Variants in RGS7BP observed in about 807,000 individuals in gnomAD.
RGS7BP encodes the protein regulator of G protein signaling 7 binding protein, also known as regulator of G protein signaling 7-binding protein.
In RGS7BP, 9 loss-of-function variants were observed where a neutral mutation model predicts 31.3. The ratio of observed to expected loss-of-function variants is 0.29; its 90% CI spans 0.17 to 0.50. The LOEUF is 0.50. RGS7BP is among the 20% of genes least tolerant of loss of function. The pLI is 0.98. For synonymous variants in RGS7BP, 115 were observed against 120.1 expected, an observed-to-expected ratio of 0.96 and a Z score of 0.28; for missense variants, 274 against 322.0, an observed-to-expected ratio of 0.85 and a Z score of 1.14.
chr5:64,569,763 C>A (rs1342447568), intron 2 of RGS7BP, among the ~76,000 whole-genome samples: 2 of 152,100 alleles, frequency 1.3e-5, no homozygotes, highest in Non-Finnish European at 1.5e-5. Context: ...TGAGAGGAAC[C>A]AGTGGGCATA....
At chr5:64,523,318 A>G (rs1376951181) in intron 2 of RGS7BP, among the ~76,000 whole-genome samples, 1 of 149,426 alleles carries the variant, frequency 6.7e-6, no homozygotes, top group Non-Finnish European at 1.5e-5. Context: ...CCATGGGGAA[A>G]TATTGGCCAA....
At position 64,609,198 on chromosome 5, in the gene RGS7BP, G is replaced by C; in HGVS notation, c.720G>C (p.Leu240=). 1 of 1,611,544 alleles carries C rather than the reference G, an allele frequency of 6.2e-7. No individual in the cohort carries two copies. The highest frequency in any genetic ancestry group is 8.5e-7 in the Non-Finnish European group (1 of 1,178,070). ...TTCTGAATCTAACTCCCTACCCCCT[G>C]GTGAGAAGACGGAAGAGAAGGTTCT... ...SSLLNLTPYP[L]VRRRKRRFFG... Residue 240 remains leucine, a synonymous_variant, in exon 6 of 6, where the codon CTG becomes CTC. Transcript: ENST00000334025.
chr5:64,523,277 C>T (rs1272314480), intron 2 of RGS7BP, among the ~76,000 whole-genome samples: 2 of 152,206 alleles, frequency 1.3e-5, no homozygotes, highest in African/African-American at 2.4e-5. Context: ...AAGCAGGCAG[C>T]TGCCACCCAG....
At chr5:64,542,274 G>C (rs1019440330) in intron 2 of RGS7BP, among the ~76,000 whole-genome samples, 3 of 152,218 alleles carry the variant, frequency 2.0e-5, no homozygotes, top group Non-Finnish European at 4.4e-5. Context: ...ACCAGATGCA[G>C]CTCCCCAGAA....
At chr5:64,545,773 T>G (rs1741644329) in intron 2 of RGS7BP, among the ~76,000 whole-genome samples, 1 of 152,194 alleles carries the variant, frequency 6.6e-6, no homozygotes, top group Non-Finnish European at 1.5e-5. Flanking sequence ...ATGCGATTCA[T>G]TGAGCTAGGG....
intron 2 of RGS7BP, among the ~76,000 whole-genome samples, chr5:64,523,585 T>A (rs1336906168): frequency 6.6e-6 from 1 of 152,240 alleles, no homozygotes; most frequent in Non-Finnish European, 1.5e-5. Flanking sequence ...AACTGTGACC[T>A]TTATCACCTT....
At chr5:64,579,215 G>A (rs6449740) in intron 3 of RGS7BP, among the ~76,000 whole-genome samples, 1 of 152,000 alleles carries the variant, frequency 6.6e-6, no homozygotes, top group Admixed American at 6.6e-5. Context: ...TCTCAATTAA[G>A]TTAGGAGTAA....
chr5:64,604,235 C>G (rs1482446444), intron 5 of RGS7BP, among the ~76,000 whole-genome samples: 1 of 152,068 alleles, frequency 6.6e-6, no homozygotes, highest in Non-Finnish European at 1.5e-5. Flanking sequence ...ACCAAATGTC[C>G]AAGTTCTCAT....
At chr5:64,536,637 C>A (rs1421071488) in intron 2 of RGS7BP, among the ~76,000 whole-genome samples, 1 of 152,172 alleles carries the variant, frequency 6.6e-6, no homozygotes, top group Non-Finnish European at 1.5e-5. Flanking sequence ...CCTTCACTTA[C>A]GTGAGTCACT....
At chr5:64,548,921 G>A (rs998218961) in intron 2 of RGS7BP, among the ~76,000 whole-genome samples, 1 of 146,874 alleles carries the variant, frequency 6.8e-6, no homozygotes, top group Admixed American at 6.8e-5. Context: ...CCATCACATT[G>A]TGGGTTAGGA....
intron 2 of RGS7BP, among the ~76,000 whole-genome samples, chr5:64,569,771 A>T (rs1742261510): frequency 6.6e-6 from 1 of 152,096 alleles, no homozygotes; most frequent in African/African-American, 2.4e-5. Flanking sequence ...ACCAGTGGGC[A>T]TATTTGAAGA....
intron 2 of RGS7BP, among the ~76,000 whole-genome samples, chr5:64,556,417 C>CCACACACACACACACA (rs10624566): frequency 8.0e-6 from 1 of 125,398 alleles, no homozygotes; most frequent in African/African-American, 3.0e-5. Context: ...TCTTCCCCAG[C>CCACACACACACACACA]CACACACACA....
chr5:64,567,198 C>T (rs1024037170), intron 2 of RGS7BP, among the ~76,000 whole-genome samples: 35 of 139,374 alleles, frequency 2.5e-4, no homozygotes, highest in African/African-American at 4.6e-4. Context: ...ACCACTAATG[C>T]GGTCCATGTT....
intron 3 of RGS7BP, among the ~76,000 whole-genome samples, chr5:64,578,227 C>A (rs572070005): frequency 6.6e-6 from 1 of 152,304 alleles, no homozygotes; most frequent in East Asian, 1.9e-4. Flanking sequence ...TCCTTCTCTG[C>A]CTATTTTTAA....
At chr5:64,524,658 T>G (rs1049950787) in intron 2 of RGS7BP, among the ~76,000 whole-genome samples, 1 of 152,146 alleles carries the variant, frequency 6.6e-6, no homozygotes, top group African/African-American at 2.4e-5. Flanking sequence ...TCCTAAACTT[T>G]CATGTCCTTT....
At chr5:64,528,842 G>A (rs1168727644) in intron 2 of RGS7BP, among the ~76,000 whole-genome samples, 1 of 150,628 alleles carries the variant, frequency 6.6e-6, no homozygotes, top group Non-Finnish European at 1.5e-5. Flanking sequence ...AAAAAAGTGG[G>A]AGGGAGGATA....
intron 3 of RGS7BP, among the ~76,000 whole-genome samples, chr5:64,587,356 A>C (rs1336080492): frequency 6.6e-6 from 1 of 152,206 alleles, no homozygotes; most frequent in African/African-American, 2.4e-5. Context: ...TGGTGAAAAT[A>C]AAACAGAGGA....
At chr5:64,535,894 G>C (rs976986106) in intron 2 of RGS7BP, among the ~76,000 whole-genome samples, 1 of 152,152 alleles carries the variant, frequency 6.6e-6, no homozygotes, top group Non-Finnish European at 1.5e-5. Flanking sequence ...AGAAAGTCTT[G>C]GGAATCAAAA....
chr5:64,597,546 C>T (rs975761292), intron 4 of RGS7BP, among the ~76,000 whole-genome samples: 4 of 151,424 alleles, frequency 2.6e-5, no homozygotes, highest in Non-Finnish European at 4.4e-5. Flanking sequence ...TCCTGGTGAA[C>T]GCTTAATACC....
Sources: allele counts gnomAD v4.1 joint callset (sites outside exome capture counted in the v4.1 genomes callset), GRCh38; gene constraint gnomAD v4.1.1; transcripts MANE v1.5; gene names NCBI Gene and HGNC (gene_info 2026-07-23, HGNC 2026-07-21).